Variants in COL4A3 observed in about 807,000 individuals in gnomAD.
COL4A3 encodes collagen alpha-3(IV) chain.
Under a neutral mutation model 217.4 loss-of-function variants are expected in COL4A3, and 135 were observed. That is an observed-to-expected ratio of 0.62 (90% confidence interval 0.54 to 0.72). The LOEUF (loss-of-function observed/expected upper bound fraction) is 0.72. Among genes scored for constraint, COL4A3 ranks in the 30% least tolerant of loss-of-function variants. The pLI is 0.00. For missense variants in COL4A3, 1,868 were observed against 2,119.9 expected (o/e 0.88, Z 2.33); for synonymous variants, 690 against 736.3 (o/e 0.94, Z 1.02).
chr2:227,256,589 AG>A (rs2070193428), intron 17 of COL4A3, 193 bp downstream of exon 17: 1 of 752,198 alleles, frequency 1.3e-6, no homozygotes. Flanking sequence ...CTTGAGGAAA[AG>A]GTATTAAACT....
chr2:227,289,054 G>T, intron 34 of COL4A3, 96 bp from the exon 35 acceptor site: 1 of 860,272 alleles, frequency 1.2e-6, no homozygotes, highest in Non-Finnish European at 1.9e-6. Flanking sequence ...AGGTTCAAGT[G>T]ATTTTCCTGC....
intron 1 of COL4A3, among the ~76,000 whole-genome samples, chr2:227,192,260 G>C (rs1473030371): frequency 6.6e-6 from 1 of 152,184 alleles, no homozygotes; most frequent in Non-Finnish European, 1.5e-5. Flanking sequence ...TTATAGAATT[G>C]TGAAGAAGGC....
chr2:227,294,911 C>G, intron 39 of COL4A3, 53 bp from the exon 40 acceptor site: 1 of 1,396,904 alleles, frequency 7.2e-7, no homozygotes, highest in Non-Finnish European at 1.0e-6. Context: ...GAAATAAATC[C>G]TCTTTTTGTA....
At chr2:227,190,883 G>A (rs930169863) in intron 1 of COL4A3, among the ~76,000 whole-genome samples, 1 of 152,080 alleles carries the variant, frequency 6.6e-6, no homozygotes, top group South Asian at 2.1e-4. Context: ...CTCCAGACTG[G>A]GTAACAGTAA....
chr2:227,296,982 A>G (rs762650566), intron 41 of COL4A3, among the ~76,000 whole-genome samples: 13 of 152,158 alleles, frequency 8.5e-5, no homozygotes, highest in Non-Finnish European at 1.6e-4. Flanking sequence ...TTTTTCATTC[A>G]TGAATGTCAA....
Position 227,259,800 on chromosome 2 carries a change from A to G in COL4A3, c.1037A>G (p.Tyr346Cys). 6.2e-7 allele frequency: 1 copy of G among 1,611,084 alleles called. No homozygotes were observed. The highest frequency in any genetic ancestry group is 1.3e-5 in the African/African-American group (1 of 74,962). The change falls in exon 19 of 52, where the codon TAT (tyrosine) becomes TGT (cysteine). Residue 346 changes from tyrosine (Y) to cysteine (C), a missense_variant. Tyr to Cys is a radical substitution (Grantham distance 194, BLOSUM62 -2). Around this residue, in one of 2 missense-constraint regions of COL4A3, gnomAD observed 1,503 missense variants for 1,786.1 expected, o/e 0.84. Transcript: ENST00000396578. ...GPPGFRGPTEYYDTYQEKGDE... is the reference protein window; with the variant it reads ...GPPGFRGPTECYDTYQEKGDE... Reference sequence around the variant, plus strand: ...GTTTCTTTCTCCTCTAAGACAGAATATTATGACACATACCAGGAAAAGGGA... The same window carrying G: ...GTTTCTTTCTCCTCTAAGACAGAATGTTATGACACATACCAGGAAAAGGGA...
chr2:227,216,909 C>G (rs781045784), intron 1 of COL4A3, among the ~76,000 whole-genome samples: 2 of 152,180 alleles, frequency 1.3e-5, no homozygotes, highest in Admixed American at 1.3e-4. Context: ...AGAAATTGCA[C>G]TTCTATAGAC....
rs754655016 is a variant in COL4A3, at chr2:227,270,916, G to A, written c.1722G>A (p.Pro574=). ...RKGLDGIPGT[P]GVKGLPGPKG... is the part of the protein sequence containing the mutation. ...GCTTGGATGGAATTCCTGGAACTCC[G>A]GGAGTGAAAGGATTACCAGGACCTA... is the stretch of plus-strand genomic sequence containing the variant. Residue 574 remains proline, a synonymous_variant, in exon 25 of 52, where the codon CCG becomes CCA. Transcript: ENST00000396578. 1.4e-5 allele frequency: 23 copies of A among 1,613,960 alleles called. No homozygotes were observed. Among genetic ancestry groups the A allele is most frequent in the East Asian group, 1.3e-4 (6 of 44,886 alleles).
chr2:227,226,002 A>G (rs2068069975), intron 1 of COL4A3, among the ~76,000 whole-genome samples: 1 of 152,046 alleles, frequency 6.6e-6, no homozygotes, highest in Admixed American at 6.6e-5. Context: ...GTGAGCCACC[A>G]TGCCCAGCCA....
chr2:227,300,120 C>T (rs1469800240), intron 43 of COL4A3, among the ~76,000 whole-genome samples: 1 of 152,086 alleles, frequency 6.6e-6, no homozygotes, highest in Non-Finnish European at 1.5e-5. Context: ...TTTCAATCGC[C>T]CTAAAAAATA....
chr2:227,193,338 C>T (rs1051943354), intron 1 of COL4A3, among the ~76,000 whole-genome samples: 2 of 152,168 alleles, frequency 1.3e-5, no homozygotes, highest in Non-Finnish European at 2.9e-5. Flanking sequence ...AAATCTTTTT[C>T]CTAAATAACT....
intron 11 of COL4A3, among the ~76,000 whole-genome samples, chr2:227,252,354 C>A (rs2125928336): frequency 6.6e-6 from 1 of 151,004 alleles, no homozygotes; most frequent in African/African-American, 2.4e-5. Context: ...AGTGGAATTA[C>A]AGGTGTGCAT....
intron 19 of COL4A3, 89 bp downstream of exon 19, chr2:227,259,966 C>A: frequency 1.1e-6 from 1 of 944,048 alleles, no homozygotes; most frequent in Non-Finnish European, 1.8e-6. Flanking sequence ...ATGGAATTGA[C>A]ATGGGTGAGG....
intron 41 of COL4A3, among the ~76,000 whole-genome samples, chr2:227,296,931 T>C (rs1288980311): frequency 6.6e-6 from 1 of 152,156 alleles, no homozygotes; most frequent in Admixed American, 6.5e-5. Flanking sequence ...AACACAGAGA[T>C]GGGAGAGCAG....
intron 3 of COL4A3, among the ~76,000 whole-genome samples, chr2:227,242,175 C>T (rs886858927): frequency 1.3e-5 from 2 of 152,160 alleles, no homozygotes; most frequent in African/African-American, 4.8e-5. Flanking sequence ...ACCCATAATG[C>T]CGTCCAACTT....
chr2:227,268,139 T>C (rs999423809), intron 23 of COL4A3, among the ~76,000 whole-genome samples: 7 of 152,250 alleles, frequency 4.6e-5, no homozygotes, highest in South Asian at 2.1e-4. Flanking sequence ...TTATGTATCA[T>C]TGACCATTGA....
At chr2:227,260,285 G>A (rs1190362517) in intron 19 of COL4A3, among the ~76,000 whole-genome samples, 1 of 152,190 alleles carries the variant, frequency 6.6e-6, no homozygotes, top group Non-Finnish European at 1.5e-5. Context: ...TGTCCTTGAT[G>A]CCGTGAATTA....
intron 44 of COL4A3, 118 bp from the exon 45 acceptor site, chr2:227,303,741 T>C (rs945851891): frequency 4.0e-6 from 4 of 1,001,052 alleles, no homozygotes; most frequent in Admixed American, 1.9e-5. Flanking sequence ...ACAGAACCCA[T>C]AGGACAGAGC....
At chr2:227,262,104 A>G (rs763830726) in intron 20 of COL4A3, among the ~76,000 whole-genome samples, 3 of 151,178 alleles carry the variant, frequency 2.0e-5, no homozygotes, top group Non-Finnish European at 2.9e-5. Flanking sequence ...CTGCAGAACT[A>G]TAAGTATACT....
Sources: gnomAD v4.1 joint callset for allele counts (sites outside exome capture counted in the v4.1 genomes callset) on GRCh38, gnomAD v4.1.1 for gene constraint, gnomAD v4.1.1 regional missense constraint, MANE v1.5 for transcripts, NCBI Gene and HGNC (gene_info 2026-07-23, HGNC 2026-07-21) for gene names.